The following PUDP variants were observed in gnomAD, a reference collection of about 807,000 sequenced individuals.
PUDP encodes the protein pseudouridine-5'-phosphatase.
In PUDP, 8 loss-of-function variants were observed where a neutral mutation model predicts 9.4. The ratio of observed to expected loss-of-function variants is 0.85; its 90% confidence interval spans 0.50 to 1.53. The LOEUF is 1.53. PUDP is among the 40% of genes most tolerant of loss of function. The pLI, the probability that PUDP is intolerant of heterozygous loss-of-function variation, is 0.00. For missense variants in PUDP, 188 were observed against 189.7 expected (o/e 0.99, Z 0.05); for synonymous variants, 99 against 80.7 (o/e 1.23, Z -1.22).
intron 3 of PUDP, among the ~76,000 whole-genome samples, chrX:6,904,429 C>A (rs1927738514): frequency 1.8e-5 from 2 of 111,036 alleles, no homozygotes; most frequent in Non-Finnish European, 3.8e-5. Flanking sequence ...CAGCCCTCCA[C>A]ACACAAACAA....
intron 3 of PUDP, among the ~76,000 whole-genome samples, chrX:6,950,033 G>A (rs1267144484): frequency 9.0e-6 from 1 of 111,336 alleles, no homozygotes; most frequent in East Asian, 2.8e-4. Flanking sequence ...AATAGAAAGA[G>A]TCTGGTAAAA....
At chrX:7,027,989 C>G (rs1336246867) in intron 1 of PUDP, among the ~76,000 whole-genome samples, 1 of 102,400 alleles carries the variant, frequency 9.8e-6, no homozygotes, top group Non-Finnish European at 2.0e-5. Context: ...TATATACTGT[C>G]TATATATTGT....
chrX:7,062,389 A>G (rs1489911239), intron 3 of PUDP, among the ~76,000 whole-genome samples: 1 of 111,614 alleles, frequency 9.0e-6, no homozygotes, highest in Non-Finnish European at 1.9e-5. Context: ...TTTAGGGAAG[A>G]TGACTCAGGG....
At chrX:7,116,903 A>T (rs1293867845) in intron 1 of PUDP, 2 of 1,147,099 alleles carry the variant, frequency 1.7e-6, no homozygotes, top group Non-Finnish European at 2.3e-6. Flanking sequence ...AGTGCATGGT[A>T]CCTCCCCCCA....
intron 1 of PUDP, among the ~76,000 whole-genome samples, chrX:7,127,064 C>T (rs1327159641): frequency 2.7e-5 from 3 of 111,642 alleles, no homozygotes; most frequent in Non-Finnish European, 5.6e-5. Flanking sequence ...GCAGAGTGTA[C>T]CTCTGGTACC....
chrX:7,034,210 T>C (rs1929826124), intron 1 of PUDP, among the ~76,000 whole-genome samples: 2 of 112,200 alleles, frequency 1.8e-5, no homozygotes, highest in South Asian at 7.4e-4. Flanking sequence ...AGCCCTACCT[T>C]GGACCTTTCC....
intron 1 of PUDP, among the ~76,000 whole-genome samples, chrX:7,024,571 G>A (rs1456944196): frequency 1.0e-5 from 1 of 97,831 alleles, no homozygotes; most frequent in Admixed American, 1.1e-4. Flanking sequence ...TTACTTCTGT[G>A]ACATAACCTA....
rs769906556 is a variant in PUDP, at chrX:7,012,434, G to C, written c.205-34091C>G. Among the ~76,000 whole-genome samples, 5 of 111,990 alleles carry C rather than the reference G, an allele frequency of 4.5e-5. No individual in the cohort carries two copies. The South Asian group carries it at 1.9e-3, about 42-fold the overall frequency. On this transcript the variant is annotated intron_variant and NMD_transcript_variant, in intron 1 of 3. Coordinates refer to the PUDP transcript ENST00000655425. ...CTCTCTCTTTACAGAGATCCCCTTG[G>C]CTCCACAAGGATAGAGAGTTCTTTG...
chrX:6,937,427 A>G (rs1339967570), intron 3 of PUDP, among the ~76,000 whole-genome samples: 1 of 107,119 alleles, frequency 9.3e-6, no homozygotes, highest in Non-Finnish European at 1.9e-5. Context: ...CTGGCTAGCC[A>G]TATGTAGAAA....
chrX:7,027,586 T>C (rs1193021098), intron 1 of PUDP, among the ~76,000 whole-genome samples: 1 of 100,977 alleles, frequency 9.9e-6, no homozygotes, highest in African/African-American at 3.6e-5. Flanking sequence ...ATAGAGAGAA[T>C]ATAGAGAGAA....
chrX:6,846,246 T>C (rs994894659), intron 3 of PUDP, among the ~76,000 whole-genome samples: 5 of 109,461 alleles, frequency 4.6e-5, no homozygotes, highest in Non-Finnish European at 9.5e-5. Context: ...CTACTTAAAC[T>C]ACAAAAAAAT....
At position 6,745,583 on chromosome X, in the gene PUDP, G is replaced by GT. The variant is rs747603335; in HGVS notation, c.*248-39118dup. ...CCTCTTTTCTGGAAGTGGCCAGTGG[G>GT]TTTTTTTCAAAATATGTTATACAAC... On this transcript the variant is annotated intron_variant and NMD_transcript_variant, in intron 3 of 3. Coordinates refer to the PUDP transcript ENST00000655425. 8.9e-5 allele frequency among the ~76,000 whole-genome samples: 10 copies of GT among 111,792 alleles called. No individual in the cohort carries two copies. In the Admixed American group the frequency reaches 9.5e-4, roughly 11 times the overall value.
chrX:6,785,688 G>A (rs1483715646), intron 3 of PUDP, among the ~76,000 whole-genome samples: 5 of 110,767 alleles, frequency 4.5e-5, no homozygotes, highest in African/African-American at 1.6e-4. Context: ...AACAAGCAGT[G>A]AGCAGTATGG....
chrX:6,789,289 CTAAATAAATAAATAAATAAA>C (rs63378260), intron 3 of PUDP, among the ~76,000 whole-genome samples: 4 of 95,174 alleles, frequency 4.2e-5, no homozygotes, highest in African/African-American at 1.5e-4. Flanking sequence ...GACTCTGTCT[CTAAATAAATAAATAAATAAA>C]TAAATAAATA....
intron 3 of PUDP, among the ~76,000 whole-genome samples, chrX:6,918,477 TATA>T (rs1279441577): frequency 8.9e-6 from 1 of 112,170 alleles, no homozygotes; most frequent in East Asian, 2.8e-4. Flanking sequence ...AAACATAATT[TATA>T]CCATCACGGC....
chrX:7,027,934 A>T (rs1240982992), intron 1 of PUDP, among the ~76,000 whole-genome samples: 2 of 101,833 alleles, frequency 2.0e-5, no homozygotes, highest in Non-Finnish European at 3.9e-5. Context: ...GTTTATATAG[A>T]CTATATATAG....
chrX:7,107,771 T>C (rs1303893697), intron 1 of PUDP, among the ~76,000 whole-genome samples: 1 of 112,516 alleles, frequency 8.9e-6, no homozygotes, highest in Non-Finnish European at 1.9e-5. Flanking sequence ...GAGGTTGCAG[T>C]GAGCCAAGAT....
At chrX:6,744,333 G>C (rs1214256074) in intron 3 of PUDP, among the ~76,000 whole-genome samples, 1 of 111,793 alleles carries the variant, frequency 8.9e-6, no homozygotes, top group African/African-American at 3.3e-5. Flanking sequence ...TCAATGTGCA[G>C]AATTCTTTAT....
intron 3 of PUDP, among the ~76,000 whole-genome samples, chrX:6,767,955 G>A (rs184145417): frequency 2.7e-3 from 303 of 111,376 alleles, no homozygotes; most frequent in Non-Finnish European, 4.7e-3. Context: ...GGTTTGCAAA[G>A]CCCTTCCAGA....
Sources: allele counts gnomAD v4.1 joint callset (sites outside exome capture counted in the v4.1 genomes callset), GRCh38; gene constraint gnomAD v4.1.1; transcripts MANE v1.5; gene names NCBI Gene and HGNC (gene_info 2026-07-23, HGNC 2026-07-21).